WWOX: variants seen among roughly 807,000 people sequenced by gnomAD.
WWOX encodes the protein WW domain-containing oxidoreductase.
Under a neutral mutation model 46.2 loss-of-function variants are expected in WWOX, and 69 were observed. The observed-to-expected ratio is 1.49, with a 90% CI of 1.23 to 1.82. The LOEUF is 1.82. WWOX is among the 40% of genes most tolerant of loss of function. WWOX has a pLI of 0.00. For missense variants in WWOX, 919 were observed against 542.6 expected (o/e 1.69, Z -6.89); for synonymous variants, 359 against 202.6 (o/e 1.77, Z -6.56).
chr16:78,352,215 T>C (rs927469713), intron 5 of WWOX, among the ~76,000 whole-genome samples: 1 of 152,256 alleles, frequency 6.6e-6, no homozygotes, highest in Non-Finnish European at 1.5e-5. Context: ...GGATGTGCAA[T>C]GTGAAATCTC....
At chr16:79,168,959 G>T (rs1232555865) in intron 8 of WWOX, among the ~76,000 whole-genome samples, 4 of 152,122 alleles carry the variant, frequency 2.6e-5, no homozygotes, top group Non-Finnish European at 5.9e-5. Context: ...TTGAAAACTG[G>T]CCCACTGTAA....
intron 8 of WWOX, among the ~76,000 whole-genome samples, chr16:78,482,247 A>G (rs1394978514): frequency 3.9e-5 from 6 of 151,900 alleles, no homozygotes; most frequent in Admixed American, 3.9e-4. Flanking sequence ...TTTTTTTATT[A>G]TTTTTTGAGA....
At chr16:78,545,997 G>C (rs577427905) in intron 8 of WWOX, among the ~76,000 whole-genome samples, 1 of 152,238 alleles carries the variant, frequency 6.6e-6, no homozygotes, top group Non-Finnish European at 1.5e-5. Context: ...AGAACTTCAG[G>C]ATATAAATTT....
intron 4 of WWOX, among the ~76,000 whole-genome samples, chr16:78,143,491 T>C (rs2034059101): frequency 6.6e-6 from 1 of 152,164 alleles, no homozygotes; most frequent in Non-Finnish European, 1.5e-5. Flanking sequence ...GGAACACGGG[T>C]GCTCATCGTT....
Position 78,481,464 on chromosome 16 carries a change from T to C in WWOX, c.1056+48712T>C, listed in dbSNP as rs1434208000. 2.0e-5 allele frequency among the ~76,000 whole-genome samples: 3 copies of C among 152,124 alleles called. No individual in the cohort carries two copies. The East Asian group carries it at 5.8e-4, about 29-fold the overall frequency. ...GTCATTGATTGAAAGAGTCATGGCA[T>C]AGATGCTGAAGTTTTGATGGGAACT... On this transcript the variant is annotated intron_variant, in intron 8 of 8. Transcript: ENST00000566780.
intron 8 of WWOX, among the ~76,000 whole-genome samples, chr16:78,948,844 G>T (rs1452784499): frequency 6.6e-6 from 1 of 152,132 alleles, no homozygotes; most frequent in Non-Finnish European, 1.5e-5. Flanking sequence ...TATCCTGGGT[G>T]ATTAGCATGG....
chr16:78,778,766 C>T (rs151069408), intron 8 of WWOX, among the ~76,000 whole-genome samples: 4 of 152,204 alleles, frequency 2.6e-5, no homozygotes, highest in African/African-American at 9.6e-5. Context: ...AAGAGCACAC[C>T]GCCGTCCCCA....
In WWOX at chr16:79,151,628, C is replaced by G. The variant is rs567725827; in HGVS notation, c.1057-59980C>G. Among the ~76,000 whole-genome samples the G allele has an allele frequency of 2.6e-5, 4 of 152,348 alleles. No homozygotes were observed. The South Asian group carries it at 8.3e-4, about 32-fold the overall frequency. ...GCATGCCTTTCTCAGTGAAATAACG[C>G]AGAATGCAGAGGCCATGCCTGCAGA... On this transcript the variant is annotated intron_variant, in intron 8 of 8. Transcript: ENST00000566780.
intron 6 of WWOX, among the ~76,000 whole-genome samples, chr16:78,412,847 A>G (rs573311484): frequency 3.3e-5 from 5 of 152,358 alleles, no homozygotes; most frequent in Non-Finnish European, 5.9e-5. Flanking sequence ...TTTCAAAACT[A>G]TAGACCATAA....
intron 8 of WWOX, among the ~76,000 whole-genome samples, chr16:78,884,973 A>G (rs2044422938): frequency 6.6e-6 from 1 of 152,048 alleles, no homozygotes; most frequent in Non-Finnish European, 1.5e-5. Flanking sequence ...ACCCTCTGAG[A>G]CCCCACCAAG....
chr16:78,874,688 T>C (rs966119960), intron 8 of WWOX, among the ~76,000 whole-genome samples: 2 of 139,314 alleles, frequency 1.4e-5, no homozygotes, highest in Admixed American at 7.2e-5. Context: ...TTTTTTCTTT[T>C]TTTTTTTTTT....
intron 8 of WWOX, among the ~76,000 whole-genome samples, chr16:78,631,251 T>C (rs2046422026): frequency 6.6e-6 from 1 of 152,096 alleles, no homozygotes; most frequent in African/African-American, 2.4e-5. Flanking sequence ...AGTCGTGACA[T>C]CTCATCCACC....
At chr16:78,699,509 C>A (rs1390864696) in intron 8 of WWOX, among the ~76,000 whole-genome samples, 2 of 152,102 alleles carry the variant, frequency 1.3e-5, no homozygotes, top group African/African-American at 4.8e-5. Context: ...ACTGTACTCC[C>A]ACATGGGTGA....
At chr16:78,125,657 T>C (rs1394209617) in intron 4 of WWOX, among the ~76,000 whole-genome samples, 1 of 151,954 alleles carries the variant, frequency 6.6e-6, no homozygotes, top group East Asian at 1.9e-4. Context: ...AGCTCAGGGG[T>C]TCGAGAGCAG....
In WWOX at chr16:78,497,799, T is replaced by C. The variant is rs186242002; in HGVS notation, c.1056+65047T>C. Among the ~76,000 whole-genome samples the C allele has an allele frequency of 9.9e-5, 15 of 151,424 alleles. No individual in the cohort carries two copies. In the East Asian group the frequency reaches 2.5e-3, roughly 26 times the overall value. ...CTTAGCTGTTTTTCACAATGAGAGG[T>C]TGTTTTATCATAAATAAATCAATAA... On this transcript the variant is annotated intron_variant, in intron 8 of 8. Transcript: ENST00000566780.
At chr16:79,165,041 T>C (rs917860651) in intron 8 of WWOX, among the ~76,000 whole-genome samples, 1 of 152,134 alleles carries the variant, frequency 6.6e-6, no homozygotes, top group African/African-American at 2.4e-5. Flanking sequence ...TTTGAGGGTC[T>C]CTGGGAGGAC....
At chr16:78,444,922 A>T (rs553137826) in intron 8 of WWOX, among the ~76,000 whole-genome samples, 1 of 152,240 alleles carries the variant, frequency 6.6e-6, no homozygotes, top group African/African-American at 2.4e-5. Flanking sequence ...GTTGGAAGTG[A>T]TGGGGTTGTA....
chr16:78,507,564 C>G (rs1318823932), intron 8 of WWOX, among the ~76,000 whole-genome samples: 2 of 152,180 alleles, frequency 1.3e-5, no homozygotes, highest in Non-Finnish European at 2.9e-5. Flanking sequence ...TATTAGGCAT[C>G]TTATCCTTGA....
intron 8 of WWOX, among the ~76,000 whole-genome samples, chr16:78,584,499 G>C (rs1040086504): frequency 6.6e-6 from 1 of 152,202 alleles, no homozygotes; most frequent in Non-Finnish European, 1.5e-5. Flanking sequence ...TTAAAGACAA[G>C]GACTGTTCTA....
Sources: allele counts gnomAD v4.1 joint callset (sites outside exome capture counted in the v4.1 genomes callset), GRCh38; gene constraint gnomAD v4.1.1; transcripts MANE v1.5; gene names NCBI Gene and HGNC (gene_info 2026-07-23, HGNC 2026-07-21).